MME: variants seen among roughly 807,000 people sequenced by gnomAD.
The protein encoded by MME is membrane metalloendopeptidase, also known as neprilysin.
In MME, 98 loss-of-function variants were observed where a neutral mutation model predicts 113.2. The ratio of observed to expected loss-of-function variants is 0.87; its 90% CI spans 0.74 to 1.02. The LOEUF is 1.02. Among genes scored for constraint, MME ranks in the 50% least tolerant of loss-of-function variants. The pLI, the probability that MME is intolerant of heterozygous loss-of-function variation, is 0.00. For synonymous variants in MME, 292 were observed against 300.6 expected (o/e 0.97, Z 0.30); for missense variants, 836 against 896.0 (o/e 0.93, Z 0.86).
chr3:155,146,328 C>T (rs1427058208), intron 14 of MME, among the ~76,000 whole-genome samples: 1 of 151,922 alleles, frequency 6.6e-6, no homozygotes, highest in Non-Finnish European at 1.5e-5. Context: ...GAGTTTGAGA[C>T]TAGCCTGGGC....
At chr3:155,130,124 A>G (rs74718980) in intron 8 of MME, among the ~76,000 whole-genome samples, 1 of 152,176 alleles carries the variant, frequency 6.6e-6, no homozygotes, top group Non-Finnish European at 1.5e-5. Flanking sequence ...ATATTTGAGC[A>G]TAATTACATA....
At chr3:155,107,651 C>T (rs115716702) in intron 3 of MME, among the ~76,000 whole-genome samples, 4,778 of 152,246 alleles carry the variant, frequency 0.031, 143 homozygotes, top group Middle Eastern at 0.065. Context: ...TTTGCTAATT[C>T]ACCTACTCCC....
intron 3 of MME, among the ~76,000 whole-genome samples, chr3:155,099,820 C>A (rs562154038): frequency 6.6e-6 from 1 of 152,134 alleles, no homozygotes; most frequent in Non-Finnish European, 1.5e-5. Context: ...TGGGTTGGTT[C>A]CAAGTCTTTG....
In MME at chr3:155,168,589, T is replaced by A; in HGVS notation, c.1878T>A (p.Tyr626Ter). Residue 626 changes from tyrosine to a stop codon, truncating the protein, a stop_gained, in exon 19 of 23, where the codon TAT (tyrosine) becomes TAA (stop). Transcript: ENST00000360490. LOFTEE classifies it high-confidence loss of function. ...AATCCCAGTGCATGGTGTATCAGTA[T>A]GGAAACTTTTCCTGGGACCTGGCAG... ...KEQSQCMVYQYGNFSWDLAGG... is the reference protein window; with the variant it reads ...KEQSQCMVYQ 1 of 1,613,874 alleles carries A rather than the reference T, an allele frequency of 6.2e-7. No individual in the cohort carries two copies. Among genetic ancestry groups the A allele is most frequent in the Non-Finnish European group, 8.5e-7 (1 of 1,179,842 alleles).
Position 155,144,263 on chromosome 3 carries a change from T to C in MME, c.1318-96T>C, listed in dbSNP as rs1161059373. The C allele has an allele frequency of 3.6e-6, 3 of 825,078 alleles. No homozygotes were observed. The African/African-American group carries it at 5.0e-5, about 14-fold the overall frequency. The allele number at this position is 825,078 out of a possible 1,614,324, so 51.1% of individuals were successfully genotyped here. A position where few individuals can be genotyped will look rare whatever the true frequency, so the allele number is the denominator to read the frequency against. ...TATAAATTTACGTTTATTAACATAT[T>C]AAGTCATACAAAGATAGCATGTAGC... On this transcript the variant is annotated intron_variant, in intron 13 of 22. Coordinates refer to ENST00000360490, the MANE Select transcript of MME (RefSeq NM_007289.4).
intron 1 of MME, among the ~76,000 whole-genome samples, chr3:155,066,570 T>C (rs1268796777): frequency 3.3e-5 from 5 of 151,856 alleles, no homozygotes; most frequent in Non-Finnish European, 5.9e-5. Context: ...TGTATTATGG[T>C]AATAACTTTT....
chr3:155,135,962 A>T (rs6799300), intron 8 of MME, among the ~76,000 whole-genome samples: 15,010 of 152,242 alleles, frequency 0.099, 955 homozygotes, highest in Non-Finnish European at 0.15. Flanking sequence ...TGGTAAATAG[A>T]TATGCCACCA....
At chr3:155,055,487 C>G (rs1173528132) in intron 1 of MME, among the ~76,000 whole-genome samples, 2 of 151,984 alleles carry the variant, frequency 1.3e-5, no homozygotes, top group Non-Finnish European at 1.5e-5. Flanking sequence ...ATCTCAGCTA[C>G]TCAGGAGGCT....
At chr3:155,111,515 A>C (rs147930741) in intron 3 of MME, among the ~76,000 whole-genome samples, 9 of 152,328 alleles carry the variant, frequency 5.9e-5, no homozygotes, top group African/African-American at 2.2e-4. Context: ...CAAGTAATTT[A>C]ACTGTACTTT....
At chr3:155,116,592 A>G (rs1367678888) in intron 5 of MME, 33 bp downstream of exon 5, 1 of 577,882 alleles carries the variant, frequency 1.7e-6, no homozygotes, top group South Asian at 3.0e-5. Context: ...CATTAGGAGT[A>G]TATATATATA....
At chr3:155,051,964 T>C (rs1335573640) in intron 1 of MME, among the ~76,000 whole-genome samples, 1 of 152,196 alleles carries the variant, frequency 6.6e-6, no homozygotes, top group Non-Finnish European at 1.5e-5. Context: ...AGGCATTGGA[T>C]AAATACACCT....
chr3:155,148,440 C>T (rs1576644860), intron 15 of MME, 110 bp from the exon 16 acceptor site: 1 of 726,176 alleles, frequency 1.4e-6, no homozygotes, highest in African/African-American at 1.8e-5. Context: ...TTTTAATGCT[C>T]TCTTTTAACT....
chr3:155,071,973 A>G (rs907805523), intron 1 of MME, among the ~76,000 whole-genome samples: 2 of 151,826 alleles, frequency 1.3e-5, no homozygotes, highest in African/African-American at 2.4e-5. Context: ...CATCCTGGCT[A>G]ACAAGGTGAA....
In MME at chr3:155,084,199, CT is replaced by C; in HGVS notation, c.33del (p.Asp12IlefsTer30). The C allele has an allele frequency of 6.2e-7, 1 of 1,614,042 alleles. No homozygotes were observed. Among genetic ancestry groups the C allele is most frequent in the Non-Finnish European group, 8.5e-7 (1 of 1,179,962 alleles). MGKSESQMDITDINTPKPKKK... is the reference protein window; with the variant it reads MGKSESQMDIXDINTPKPKKK... ...AAGTCAGAAAGTCAGATGGATATAA[CT>C]GATATCAACACTCCAAAGCCAAAGA... On this transcript the variant is annotated frameshift_variant, in exon 2 of 23. Transcript: ENST00000360490. LOFTEE classifies it high-confidence loss of function.
intron 16 of MME, among the ~76,000 whole-genome samples, chr3:155,150,559 A>G (rs563005727): frequency 6.6e-6 from 1 of 152,250 alleles, no homozygotes; most frequent in South Asian, 2.1e-4. Context: ...TGTATACCAG[A>G]TACAAAGGTT....
intron 16 of MME, among the ~76,000 whole-genome samples, chr3:155,156,231 C>G (rs1722297462): frequency 6.6e-6 from 1 of 152,104 alleles, no homozygotes; most frequent in Non-Finnish European, 1.5e-5. Flanking sequence ...ACCTCTGAAC[C>G]TAGAATTTTT....
chr3:155,161,998 C>T (rs1368057022), intron 17 of MME, among the ~76,000 whole-genome samples: 1 of 152,152 alleles, frequency 6.6e-6, no homozygotes, highest in Non-Finnish European at 1.5e-5. Flanking sequence ...CTGTCAGTGT[C>T]TAGTTCATTT....
At chr3:155,032,797 A>G (rs970456049) in intron 1 of MME, among the ~76,000 whole-genome samples, 1 of 152,202 alleles carries the variant, frequency 6.6e-6, no homozygotes, top group Non-Finnish European at 1.5e-5. Context: ...TCGAGGATAG[A>G]CTATACAAGA....
intron 1 of MME, among the ~76,000 whole-genome samples, chr3:155,066,382 C>T (rs1240582120): frequency 6.6e-6 from 1 of 152,014 alleles, no homozygotes; most frequent in Non-Finnish European, 1.5e-5. Context: ...TAGTTGATTC[C>T]AGGGCTGGTT....
Sources: allele counts gnomAD v4.1 joint callset (sites outside exome capture counted in the v4.1 genomes callset), GRCh38; gene constraint gnomAD v4.1.1; transcripts MANE v1.5; gene names NCBI Gene and HGNC (gene_info 2026-07-23, HGNC 2026-07-21).